The following SLC8A3 variants were observed in gnomAD, a reference collection of about 807,000 sequenced individuals.
The protein encoded by SLC8A3 is sodium/calcium exchanger 3.
In SLC8A3, 37 loss-of-function variants were observed where a neutral mutation model predicts 65.4. The ratio of observed to expected loss-of-function variants is 0.57; its 90% CI spans 0.44 to 0.74. SLC8A3 has a LOEUF of 0.74. Ranked by LOEUF, SLC8A3 falls within the 30% of genes least tolerant of loss-of-function variation. The pLI is 0.00. For synonymous variants in SLC8A3, 461 were observed against 444.5 expected, an observed-to-expected ratio of 1.04 and a Z score of -0.47; for missense variants, 1,112 against 1,172.1, an observed-to-expected ratio of 0.95 and a Z score of 0.75.
intron 1 of SLC8A3, among the ~76,000 whole-genome samples, chr14:70,171,833 G>C (rs945926675): frequency 1.3e-5 from 2 of 151,634 alleles, no homozygotes; most frequent in Non-Finnish European, 2.9e-5. Context: ...AAGGCAAGGC[G>C]GTGAGATGGC....
chr14:70,129,354 C>T (rs1209737244), intron 2 of SLC8A3, among the ~76,000 whole-genome samples: 2 of 152,110 alleles, frequency 1.3e-5, no homozygotes, highest in African/African-American at 4.8e-5. Flanking sequence ...AACTTGCCCT[C>T]GAAGTTACCA....
At position 70,161,275 on chromosome 14, in the gene SLC8A3, C is replaced by T. The variant is rs548927482; in HGVS notation, c.1784+5364G>A. ...CTGCACTCCAGCCTGGGCGACAGAGCGAGACTCCATCTCAAAAAAAAAAAA... is the reference window on the plus strand; with the variant it reads ...CTGCACTCCAGCCTGGGCGACAGAGTGAGACTCCATCTCAAAAAAAAAAAA... On this transcript the variant is annotated intron_variant, in intron 2 of 6. Transcript: ENST00000356921. Among the ~76,000 whole-genome samples the T allele has an allele frequency of 9.9e-3, 1,004 of 101,214 alleles. 8 individuals are homozygous for T. The highest frequency in any genetic ancestry group is 0.033 in the African/African-American group (853 of 25,978). 66.4% of individuals were successfully genotyped at this position (101,214 alleles called of 152,430 possible).
chr14:70,150,552 C>A (rs377091001), intron 2 of SLC8A3, among the ~76,000 whole-genome samples: 1 of 152,050 alleles, frequency 6.6e-6, no homozygotes, highest in Admixed American at 6.5e-5. Flanking sequence ...GAGGCAAACC[C>A]GGACATGAAC....
At chr14:70,088,696 T>C (rs1389528283) in intron 2 of SLC8A3, among the ~76,000 whole-genome samples, 1 of 152,182 alleles carries the variant, frequency 6.6e-6, no homozygotes, top group African/African-American at 2.4e-5. Context: ...CTAGAACTAC[T>C]CCTCATCAGA....
chr14:70,117,958 C>T (rs568152495), intron 2 of SLC8A3, among the ~76,000 whole-genome samples: 1 of 152,332 alleles, frequency 6.6e-6, no homozygotes, highest in South Asian at 2.1e-4. Context: ...TCCATGTTTT[C>T]CTCTTGCTCC....
intron 2 of SLC8A3, among the ~76,000 whole-genome samples, chr14:70,145,509 GC>G (rs1307850130): frequency 6.6e-6 from 1 of 152,130 alleles, no homozygotes; most frequent in Non-Finnish European, 1.5e-5. Flanking sequence ...AGAAGCCCTG[GC>G]CCCCTCACTA....
At chr14:70,108,539 T>G (rs896108683) in intron 2 of SLC8A3, among the ~76,000 whole-genome samples, 4 of 152,196 alleles carry the variant, frequency 2.6e-5, no homozygotes, top group Middle Eastern at 3.2e-3. Flanking sequence ...CTCAGGTACT[T>G]CTACAGATGG....
intron 2 of SLC8A3, among the ~76,000 whole-genome samples, chr14:70,124,827 G>C (rs1894334680): frequency 2.6e-5 from 4 of 152,178 alleles, no homozygotes; most frequent in African/African-American, 9.7e-5. Context: ...GGGTTGAAAA[G>C]GTTTATAAGA....
intron 2 of SLC8A3, among the ~76,000 whole-genome samples, chr14:70,150,389 TCTATTACCCC>T (rs973292012): frequency 1.3e-5 from 2 of 152,232 alleles, no homozygotes; most frequent in Non-Finnish European, 2.9e-5. Flanking sequence ...ATCATGCTGC[TCTATTACCCC>T]CTGTGTATAT....
chr14:70,101,561 T>C (rs1166654246), intron 2 of SLC8A3, among the ~76,000 whole-genome samples: 1 of 152,126 alleles, frequency 6.6e-6, no homozygotes, highest in Non-Finnish European at 1.5e-5. Context: ...CTAAGAGCAA[T>C]GGAAAGCTAC....
intron 1 of SLC8A3, among the ~76,000 whole-genome samples, chr14:70,169,657 A>G (rs1897371603): frequency 7.1e-6 from 1 of 140,248 alleles, no homozygotes; most frequent in Admixed American, 7.2e-5. Flanking sequence ...GATGAGAATG[A>G]AAATACCATG....
chr14:70,187,852 C>CGCGT (rs1237765484), intron 1 of SLC8A3, among the ~76,000 whole-genome samples: 8 of 152,082 alleles, frequency 5.3e-5, no homozygotes, highest in Non-Finnish European at 1.0e-4. Context: ...TTGGGGTGAG[C>CGCGT]GCGTGCGTGC....
intron 1 of SLC8A3, among the ~76,000 whole-genome samples, chr14:70,184,103 C>T (rs907910794): frequency 2.6e-5 from 4 of 152,122 alleles, no homozygotes; most frequent in African/African-American, 9.7e-5. Context: ...TTTTTACCTC[C>T]CACGCGACAT....
intron 2 of SLC8A3, among the ~76,000 whole-genome samples, chr14:70,101,872 T>C (rs556189602): frequency 2.6e-5 from 4 of 152,288 alleles, no homozygotes; most frequent in East Asian, 3.9e-4. Flanking sequence ...CCACAGAAAG[T>C]GACAGTTTAG....
At chr14:70,136,774 A>T (rs1344055647) in intron 2 of SLC8A3, among the ~76,000 whole-genome samples, 2 of 152,228 alleles carry the variant, frequency 1.3e-5, no homozygotes, top group Non-Finnish European at 2.9e-5. Context: ...CTTCTACTAG[A>T]ATACAAGTGC....
intron 2 of SLC8A3, among the ~76,000 whole-genome samples, chr14:70,117,120 A>T (rs542638275): frequency 6.6e-6 from 1 of 152,214 alleles, no homozygotes; most frequent in Non-Finnish European, 1.5e-5. Context: ...TGCAGCCCAG[A>T]TTCCCCTTTG....
chr14:70,146,984 G>T (rs181468612), intron 2 of SLC8A3, among the ~76,000 whole-genome samples: 196 of 152,270 alleles, frequency 1.3e-3, no homozygotes, highest in African/African-American at 4.6e-3. Context: ...GGTATATATT[G>T]ATCAGTTGAT....
chr14:70,173,320 G>A lies in SLC8A3; in HGVS notation c.-62-4836C>T, dbSNP rs377100307. ...TGGGTAGATTCTGCTCATGATGCCC[G>A]TCTGTCCCCATGTCACACTCCCCTC... On this transcript the variant is annotated intron_variant, in intron 1 of 6. Transcript: ENST00000356921. Among the ~76,000 whole-genome samples, 9 of 152,158 alleles carry A rather than the reference G, an allele frequency of 5.9e-5. No homozygotes were observed. In the South Asian group the frequency reaches 6.2e-4, roughly 11 times the overall value.
At chr14:70,089,464 A>G (rs115407588) in intron 2 of SLC8A3, among the ~76,000 whole-genome samples, 2,030 of 152,338 alleles carry the variant, frequency 0.013, 47 homozygotes, top group African/African-American at 0.046. Context: ...AAGACAAAGT[A>G]AAAGATAAAT....
Sources: allele counts gnomAD v4.1 joint callset (sites outside exome capture counted in the v4.1 genomes callset), GRCh38; gene constraint gnomAD v4.1.1; transcripts MANE v1.5; gene names NCBI Gene and HGNC (gene_info 2026-07-23, HGNC 2026-07-21).